Variants in CMSS1 observed in about 807,000 individuals in gnomAD.
The protein encoded by CMSS1 is protein CMSS1.
In CMSS1, 33 loss-of-function variants were observed where a neutral mutation model predicts 43.5. That is an observed-to-expected ratio of 0.76 (90% CI 0.57 to 1.01). The LOEUF (loss-of-function observed/expected upper bound fraction) is 1.01, where lower values mean the gene tolerates loss of function less well. CMSS1 is among the 50% of genes least tolerant of loss of function. The probability of loss-of-function intolerance (pLI) is 0.00; values close to 1 mark genes in which losing one functional copy is unlikely to be tolerated. For synonymous variants in CMSS1, 115 were observed against 117.2 expected, an observed-to-expected ratio of 0.98 and a Z score of 0.12; for missense variants, 313 against 326.4, an observed-to-expected ratio of 0.96 and a Z score of 0.32.
At chr3:100,067,859 T>C (rs772281961) in intron 1 of CMSS1, among the ~76,000 whole-genome samples, 6 of 152,030 alleles carry the variant, frequency 3.9e-5, no homozygotes, top group Non-Finnish European at 7.4e-5. Context: ...TATAGTACAA[T>C]AGGGAAGCAC....
intron 1 of CMSS1, chr3:100,051,157 A>G (rs1216958160): frequency 1.3e-5 from 2 of 152,150 alleles, no homozygotes; most frequent in Admixed American, 1.3e-4. Flanking sequence ...TCCATAAGTC[A>G]GAAATTTAAA....
chr3:100,098,726 G>A (rs1272476007), intron 1 of CMSS1, among the ~76,000 whole-genome samples: 1 of 152,136 alleles, frequency 6.6e-6, no homozygotes, highest in East Asian at 1.9e-4. Context: ...GAATGTCATT[G>A]CCGTATACAG....
At chr3:99,929,835 C>CACCCCTATTGTGGTACAT in intron 1 of CMSS1, 2 of 1,573,086 alleles carry the variant, frequency 1.3e-6, no homozygotes, top group Non-Finnish European at 1.7e-6. Context: ...CCCAGGTACA[C>CACCCCTATTGTGGTACAT]ACCCCTATTG....
chr3:99,913,105 C>A (rs1264870573), intron 1 of CMSS1, among the ~76,000 whole-genome samples: 1 of 152,200 alleles, frequency 6.6e-6, no homozygotes, highest in Non-Finnish European at 1.5e-5. Flanking sequence ...CGGTTTACAA[C>A]CCAGAAGAGG....
chr3:99,871,734 A>G (rs1408672606), intron 1 of CMSS1, among the ~76,000 whole-genome samples: 4 of 152,198 alleles, frequency 2.6e-5, no homozygotes, highest in Non-Finnish European at 5.9e-5. Flanking sequence ...TCATTTGTCA[A>G]GTTAGTGGTT....
intron 1 of CMSS1, among the ~76,000 whole-genome samples, chr3:100,070,933 T>C (rs1220292779): frequency 1.3e-5 from 2 of 152,160 alleles, no homozygotes; most frequent in South Asian, 4.1e-4. Context: ...GCCTGGCCTG[T>C]GGTTTTCTTT....
intron 2 of CMSS1, among the ~76,000 whole-genome samples, chr3:100,155,698 AAATTTTT>A (rs2066965458): frequency 6.6e-6 from 1 of 152,182 alleles, no homozygotes; most frequent in African/African-American, 2.4e-5. Flanking sequence ...GGTAGGAAGT[AAATTTTT>A]TGAGACTTCA....
intron 1 of CMSS1, among the ~76,000 whole-genome samples, chr3:99,911,301 G>C (rs1241472871): frequency 1.3e-5 from 2 of 148,972 alleles, no homozygotes; most frequent in South Asian, 2.1e-4. Context: ...TCTGGTTGTT[G>C]TTTTTGTTAT....
chr3:99,924,037 G>T (rs964669960), intron 1 of CMSS1, among the ~76,000 whole-genome samples: 1 of 152,190 alleles, frequency 6.6e-6, no homozygotes, highest in African/African-American at 2.4e-5. Flanking sequence ...TGGTTCCACA[G>T]TCCTTATCAC....
intron 1 of CMSS1, among the ~76,000 whole-genome samples, chr3:99,831,220 C>T (rs1246593621): frequency 6.6e-6 from 1 of 152,100 alleles, no homozygotes; most frequent in South Asian, 2.1e-4. Context: ...TGACAACATG[C>T]TTTGTTAATG....
rs770536552 is a variant in CMSS1, at chr3:100,178,414, T to C, written c.*26T>C. 1 of 1,443,564 alleles carries C rather than the reference T, an allele frequency of 6.9e-7. No homozygotes were observed. Among genetic ancestry groups the C allele is most frequent in the Admixed American group, 1.7e-5 (1 of 57,596 alleles). 89.4% of individuals were successfully genotyped at this position (1,443,564 alleles called of 1,614,324 possible). A position where few individuals can be genotyped will look rare whatever the true frequency, so the allele number is the denominator to read the frequency against. On this transcript the variant is annotated 3_prime_UTR_variant, in exon 10 of 10. Transcript: ENST00000421999. ...GTCTGTGTCCTAATGAAGATTCCAG[T>C]TTTCACAGTAGAAGTTGCATCTTAT...
At chr3:100,032,082 T>C (rs1446634780) in intron 1 of CMSS1, among the ~76,000 whole-genome samples, 11 of 152,336 alleles carry the variant, frequency 7.2e-5, no homozygotes, top group Non-Finnish European at 5.9e-5. Context: ...ATCTAGCCCA[T>C]TAGCCATAGT....
chr3:99,942,840 CTG>C (rs1707891542), intron 1 of CMSS1, among the ~76,000 whole-genome samples: 1 of 150,610 alleles, frequency 6.6e-6, no homozygotes, highest in African/African-American at 2.4e-5. Context: ...AAAAAAAAAA[CTG>C]AAAAACAAGA....
chr3:100,159,778 G>A, intron 2 of CMSS1: 1 of 365,698 alleles, frequency 2.7e-6, no homozygotes. Context: ...CTAAACTGGG[G>A]TACTCAGGGG....
At chr3:99,930,605 C>T (rs1707446887) in intron 1 of CMSS1, among the ~76,000 whole-genome samples, 1 of 152,156 alleles carries the variant, frequency 6.6e-6, no homozygotes, top group African/African-American at 2.4e-5. Flanking sequence ...ATTAATTGCA[C>T]TTTGAGTTGG....
intron 1 of CMSS1, among the ~76,000 whole-genome samples, chr3:100,029,340 G>A (rs1324845777): frequency 6.6e-6 from 1 of 151,882 alleles, no homozygotes; most frequent in South Asian, 2.1e-4. Context: ...TATTGATTTT[G>A]ATTATGATAA....
At chr3:100,054,332 A>G (rs2065423942) in intron 1 of CMSS1, among the ~76,000 whole-genome samples, 1 of 152,186 alleles carries the variant, frequency 6.6e-6, no homozygotes, top group African/African-American at 2.4e-5. Flanking sequence ...AAATTGAGAT[A>G]TCTGGCTTTT....
intron 1 of CMSS1, among the ~76,000 whole-genome samples, chr3:99,875,454 G>T (rs1705462540): frequency 6.6e-6 from 1 of 152,208 alleles, no homozygotes; most frequent in Non-Finnish European, 1.5e-5. Flanking sequence ...ACTTGAAGCA[G>T]AAAGTTAGAA....
At chr3:99,942,187 C>T (rs936474586) in intron 1 of CMSS1, among the ~76,000 whole-genome samples, 1 of 150,642 alleles carries the variant, frequency 6.6e-6, no homozygotes, top group South Asian at 2.1e-4. Flanking sequence ...GGGTGAGAGA[C>T]CAAGACTCCA....
Sources: gnomAD v4.1 joint callset for allele counts (sites outside exome capture counted in the v4.1 genomes callset) on GRCh38, gnomAD v4.1.1 for gene constraint, MANE v1.5 for transcripts, NCBI Gene and HGNC (gene_info 2026-07-23, HGNC 2026-07-21) for gene names.